PTPRD: variants seen among roughly 807,000 people sequenced by gnomAD.
The protein encoded by PTPRD is protein tyrosine phosphatase receptor type D, also known as receptor-type tyrosine-protein phosphatase delta.
PTPRD carries 34 observed loss-of-function variants against 214.5 expected under a neutral mutation model. That is an observed-to-expected ratio of 0.16 (90% CI 0.12 to 0.21). The LOEUF (loss-of-function observed/expected upper bound fraction) is 0.21, where lower values mean the gene tolerates loss of function less well. PTPRD is among the 10% of genes least tolerant of loss of function. The probability of loss-of-function intolerance (pLI) is 1.00; values close to 1 mark genes in which losing one functional copy is unlikely to be tolerated. For missense variants in PTPRD, 2,545 were observed against 2,398.7 expected, an observed-to-expected ratio of 1.06 and a Z score of -1.27; for synonymous variants, 1,128 against 845.7, an observed-to-expected ratio of 1.33 and a Z score of -5.79.
intron 4 of PTPRD, among the ~76,000 whole-genome samples, chr9:9,977,938 A>T (rs1187903875): frequency 2.6e-5 from 4 of 151,978 alleles, no homozygotes; most frequent in African/African-American, 9.7e-5. Context: ...CAGAAAAAAA[A>T]AAGTTATGTG....
intron 4 of PTPRD, among the ~76,000 whole-genome samples, chr9:9,958,876 G>A (rs1309344833): frequency 1.3e-5 from 2 of 152,150 alleles, no homozygotes; most frequent in Non-Finnish European, 2.9e-5. Flanking sequence ...AATACCAAAT[G>A]CTAGTGAGAA....
In PTPRD at chr9:9,226,961, A is replaced by C. The variant is rs570965237; in HGVS notation, c.-202-43598T>G. Among the ~76,000 whole-genome samples, 6 of 152,266 alleles carry C rather than the reference A, an allele frequency of 3.9e-5. No homozygotes were observed. The East Asian group carries it at 1.2e-3, about 29-fold the overall frequency. On this transcript the variant is annotated intron_variant, in intron 9 of 45. Transcript: ENST00000381196. ...ACATACTAAAGGAGGACTTTAATTC[A>C]CAACCAAAAAGATGATAGATATTGT...
Position 9,303,646 on chromosome 9 carries a change from G to A in PTPRD, c.-203+93803C>T, listed in dbSNP as rs188287547. ...CAAGAAAAATGGGAACAGTCAACAT[G>A]TGGATTGGTATTGAGATTTTAATGA... is the stretch of plus-strand genomic sequence containing the variant. On this transcript the variant is annotated intron_variant, in intron 9 of 45. Transcript: ENST00000381196. Among the ~76,000 whole-genome samples the A allele has an allele frequency of 2.4e-3, 369 of 152,194 alleles. 6 individuals are homozygous for A. The highest frequency in any genetic ancestry group is 4.9e-4 in the Non-Finnish European group (33 of 67,964).
intron 9 of PTPRD, among the ~76,000 whole-genome samples, chr9:9,208,164 G>A (rs1439799078): frequency 4.0e-5 from 6 of 151,134 alleles, no homozygotes; most frequent in Admixed American, 6.6e-5. Context: ...ACGGGCACCC[G>A]CCACCACGCC....
intron 9 of PTPRD, among the ~76,000 whole-genome samples, chr9:9,353,323 G>T (rs2052248839): frequency 6.6e-6 from 1 of 151,842 alleles, no homozygotes; most frequent in South Asian, 2.1e-4. Flanking sequence ...AGAATCATAG[G>T]TGACTTTAGA....
At chr9:8,671,642 T>G (rs1015136473) in intron 12 of PTPRD, among the ~76,000 whole-genome samples, 3 of 152,156 alleles carry the variant, frequency 2.0e-5, no homozygotes, top group African/African-American at 7.2e-5. Flanking sequence ...GGAAATACAT[T>G]CACTTCCAGT....
At position 10,133,521 on chromosome 9, in the gene PTPRD, G is replaced by A. The variant is rs892280068; in HGVS notation, c.-544-99731C>T. On this transcript the variant is annotated intron_variant, in intron 3 of 45. Coordinates refer to ENST00000381196, the MANE Select transcript of PTPRD (RefSeq NM_002839.4). ...TATATATAAGTACATAAATGTGTAC[G>A]TGCACAAATAACATAAATAACTTAA... 6.6e-5 allele frequency among the ~76,000 whole-genome samples: 10 copies of A among 151,458 alleles called. 1 individual carries two copies. The highest frequency in any genetic ancestry group is 1.9e-4 in the East Asian group (1 of 5,154).
At chr9:9,221,638 T>A (rs1008887770) in intron 9 of PTPRD, among the ~76,000 whole-genome samples, 1 of 151,970 alleles carries the variant, frequency 6.6e-6, no homozygotes, top group Non-Finnish European at 1.5e-5. Flanking sequence ...CCCCAATCTG[T>A]AACTATACTC....
At position 9,844,433 on chromosome 9, in the gene PTPRD, G is replaced by A. The variant is rs575251586; in HGVS notation, c.-367-77582C>T. ...AAACAGAGTAGGATGATGGCTGCCC[G>A]GGCTGAGGTGTGGGGTAAATGAGAT... On this transcript the variant is annotated intron_variant, in intron 5 of 45. Coordinates refer to ENST00000381196, the MANE Select transcript of PTPRD (RefSeq NM_002839.4). Among the ~76,000 whole-genome samples the A allele has an allele frequency of 1.3e-4, 20 of 151,924 alleles. No homozygotes were observed. In the South Asian group the frequency reaches 3.7e-3, roughly 28 times the overall value.
chr9:10,489,470 G>T (rs868673928), intron 2 of PTPRD, among the ~76,000 whole-genome samples: 3 of 152,164 alleles, frequency 2.0e-5, no homozygotes, highest in Non-Finnish European at 2.9e-5. Context: ...CCTAACTAGT[G>T]TCTCAGTATG....
chr9:9,353,502 A>T (rs1450712394), intron 9 of PTPRD, among the ~76,000 whole-genome samples: 1 of 151,854 alleles, frequency 6.6e-6, no homozygotes, highest in Non-Finnish European at 1.5e-5. Flanking sequence ...GTCCACTTCT[A>T]TATATTGCAA....
chr9:10,577,663 C>T (rs1368667913), intron 2 of PTPRD, among the ~76,000 whole-genome samples: 1 of 152,116 alleles, frequency 6.6e-6, no homozygotes, highest in Admixed American at 6.6e-5. Context: ...AGGAAACTAA[C>T]ACACTGATAA....
chr9:8,664,624 C>G (rs530616883), intron 12 of PTPRD, among the ~76,000 whole-genome samples: 1 of 152,326 alleles, frequency 6.6e-6, no homozygotes, highest in South Asian at 2.1e-4. Context: ...TCATATACTT[C>G]CAGATAGCTC....
At chr9:8,760,102 T>G (rs898022391) in intron 11 of PTPRD, among the ~76,000 whole-genome samples, 2 of 152,214 alleles carry the variant, frequency 1.3e-5, no homozygotes, top group African/African-American at 4.8e-5. Flanking sequence ...AGCTAATTCT[T>G]GTGTTTTTGG....
At chr9:8,724,348 A>G (rs1337247305) in intron 12 of PTPRD, among the ~76,000 whole-genome samples, 1 of 152,148 alleles carries the variant, frequency 6.6e-6, no homozygotes. Flanking sequence ...ACAAAGGTCA[A>G]TTTTAAAAAA....
intron 4 of PTPRD, among the ~76,000 whole-genome samples, chr9:9,993,231 T>C (rs946386829): frequency 2.5e-4 from 38 of 152,210 alleles, no homozygotes; most frequent in African/African-American, 9.2e-4. Flanking sequence ...CATTTGGCTA[T>C]ATCTACTAAA....
intron 5 of PTPRD, among the ~76,000 whole-genome samples, chr9:9,779,254 A>G (rs1449260515): frequency 1.3e-5 from 2 of 152,078 alleles, no homozygotes; most frequent in African/African-American, 2.4e-5. Context: ...TAAAAATCCT[A>G]GAAGAAAACC....
chr9:10,434,346 G>A (rs749850421), intron 2 of PTPRD, among the ~76,000 whole-genome samples: 3 of 151,656 alleles, frequency 2.0e-5, no homozygotes, highest in South Asian at 2.1e-4. Flanking sequence ...AAAGATTCCC[G>A]ACTACAAAAA....
chr9:8,336,024 C>T (rs1846320188), intron 43 of PTPRD, among the ~76,000 whole-genome samples: 1 of 151,814 alleles, frequency 6.6e-6, no homozygotes, highest in Non-Finnish European at 1.5e-5. Context: ...GTGAAAATGG[C>T]CATACTGCCC....
Sources: allele counts gnomAD v4.1 joint callset (sites outside exome capture counted in the v4.1 genomes callset), GRCh38; gene constraint gnomAD v4.1.1; transcripts MANE v1.5; gene names NCBI Gene and HGNC (gene_info 2026-07-23, HGNC 2026-07-21).